The following CUX2 variants were observed in gnomAD, a reference collection of about 807,000 sequenced individuals.
CUX2 encodes the protein homeobox protein cut-like 2.
A neutral mutation model predicts 144.8 loss-of-function variants in CUX2; 40 were observed. That is an observed-to-expected ratio of 0.28 (90% confidence interval 0.21 to 0.36). CUX2 has a LOEUF of 0.36. CUX2 is among the 10% of genes least tolerant of loss of function. The probability of loss-of-function intolerance (pLI) is 1.00; values close to 1 mark genes in which losing one functional copy is unlikely to be tolerated. For missense variants in CUX2, 1,615 were observed against 1,994.0 expected (o/e 0.81, Z 3.62); for synonymous variants, 827 against 875.6 (o/e 0.94, Z 0.98).
rs1040555486 is a variant in CUX2, at chr12:111,042,283, A to G, written c.63+8043A>G. On this transcript the variant is annotated intron_variant, in intron 1 of 21. Coordinates refer to ENST00000261726, the MANE Select transcript of CUX2 (RefSeq NM_015267.4). ...TGTGGGTGTTGCGGATCCGGAGACC[A>G]CAGGGGTCACAGGGGCCGCCAGTCC... Among the ~76,000 whole-genome samples the G allele has an allele frequency of 7.9e-5, 12 of 152,306 alleles. No individual in the cohort carries two copies. The East Asian group carries it at 1.5e-3, about 20-fold the overall frequency.
rs11290695 is a variant in CUX2, at chr12:111,267,195, CAA to C, written c.301+3377_301+3378del. 2.2e-3 allele frequency among the ~76,000 whole-genome samples: 145 copies of C among 66,348 alleles called. 2 individuals are homozygous for C. The highest frequency in any genetic ancestry group is 5.3e-3 in the African/African-American group (104 of 19,620). The allele number at this position is 66,348 out of a possible 152,430, so 43.5% of individuals were successfully genotyped here. On this transcript the variant is annotated intron_variant, in intron 4 of 21. Transcript: ENST00000261726. Reference sequence around the variant, plus strand: ...CCTGGGTGACAGAGCAAGACCCTGTCAAAAAAAAAAAAAAAAAAAAAAGAAAG... The same window carrying C: ...CCTGGGTGACAGAGCAAGACCCTGTCAAAAAAAAAAAAAAAAAAAAGAAAG...
chr12:111,139,803 C>T (rs1317841067), intron 1 of CUX2, among the ~76,000 whole-genome samples: 2 of 152,166 alleles, frequency 1.3e-5, no homozygotes, highest in African/African-American at 2.4e-5. Flanking sequence ...CAAGAACTGC[C>T]TACTGTGTCA....
chr12:111,215,678 C>G (rs940059671), intron 2 of CUX2, among the ~76,000 whole-genome samples: 4 of 152,150 alleles, frequency 2.6e-5, no homozygotes, highest in Non-Finnish European at 1.5e-5. Context: ...TGGAAACTCC[C>G]CAGAATGAGG....
At chr12:111,066,614 T>TA (rs1871030732) in intron 1 of CUX2, among the ~76,000 whole-genome samples, 1 of 152,176 alleles carries the variant, frequency 6.6e-6, no homozygotes, top group Non-Finnish European at 1.5e-5. Flanking sequence ...GAGTTCACTT[T>TA]ATACAAGTGA....
chr12:111,078,635 A>G (rs138989221), intron 1 of CUX2, among the ~76,000 whole-genome samples: 2 of 152,150 alleles, frequency 1.3e-5, no homozygotes, highest in East Asian at 3.9e-4. Flanking sequence ...GTGCCACTAC[A>G]CTCCAGCCTG....
rs1870591399 is a variant in CUX2, at chr12:111,057,677, ACAGC to A, written c.63+23439_63+23442del. Reference sequence around the variant, plus strand: ...GCCAGAAAGAGTGACTCCCACCTCAACAGCCTGGAAGCACTCCAACTACCGTACT... The same window carrying A: ...GCCAGAAAGAGTGACTCCCACCTCAACTGGAAGCACTCCAACTACCGTACT... On this transcript the variant is annotated intron_variant, in intron 1 of 21. Transcript: ENST00000261726. This position sits in a 1 kb window ranked among gnomAD's most constrained non-coding sequence, Gnocchi z 5.1. 6.6e-6 allele frequency among the ~76,000 whole-genome samples: 1 copy of A among 152,192 alleles called. No individual in the cohort carries two copies. Among genetic ancestry groups the A allele is most frequent in the Non-Finnish European group, 1.5e-5 (1 of 68,038 alleles).
Position 111,171,618 on chromosome 12 carries a change from C to T in CUX2, c.64-42582C>T, listed in dbSNP as rs1878527713. Among the ~76,000 whole-genome samples the T allele has an allele frequency of 1.3e-5, 2 of 152,140 alleles. No homozygotes were observed. Among genetic ancestry groups the T allele is most frequent in the African/African-American group, 4.8e-5 (2 of 41,434 alleles). On this transcript the variant is annotated intron_variant, in intron 1 of 21. Transcript: ENST00000261726. The surrounding 1 kb of genome is among the most constrained non-coding windows in gnomAD (Gnocchi z 5.0). ...TCTGGGGCTATGGGACGGAAAAGCC[C>T]AGAGTGCCCTCTCTGAGGAGTCATC...
intron 1 of CUX2, among the ~76,000 whole-genome samples, chr12:111,207,932 G>T (rs2136217577): frequency 6.6e-6 from 1 of 152,246 alleles, no homozygotes; most frequent in East Asian, 1.9e-4. Flanking sequence ...GACAGAATGA[G>T]TTCATCTGAG....
chr12:111,264,954 G>A (rs543403022), intron 4 of CUX2, among the ~76,000 whole-genome samples: 6 of 152,172 alleles, frequency 3.9e-5, no homozygotes, highest in Admixed American at 2.0e-4. Context: ...CTGCTTAATC[G>A]GTATGAGTTT....
intron 1 of CUX2, among the ~76,000 whole-genome samples, chr12:111,056,887 AG>A (rs1870552960): frequency 6.6e-6 from 1 of 152,220 alleles, no homozygotes; most frequent in South Asian, 2.1e-4. Flanking sequence ...GTGGCTGAGC[AG>A]GAGAGTAGAT....
intron 1 of CUX2, among the ~76,000 whole-genome samples, chr12:111,081,213 G>C (rs565685349): frequency 3.9e-5 from 6 of 152,224 alleles, no homozygotes; most frequent in African/African-American, 1.2e-4. Context: ...GTCCAGCTGA[G>C]GTTTACAAAC....
chr12:111,080,773 G>C (rs1269469537), intron 1 of CUX2, among the ~76,000 whole-genome samples: 1 of 152,212 alleles, frequency 6.6e-6, no homozygotes, highest in Non-Finnish European at 1.5e-5. Flanking sequence ...CAGAGTAGGT[G>C]CTCAGTAAGT....
In CUX2 at chr12:111,338,398, T is replaced by C; in HGVS notation, c.3309T>C (p.Phe1103=). The part of the protein sequence containing the change: ...HKLSLKGREP[F]VRMQLWLNDP... ...TGAGCCTGAAGGGGCGGGAGCCTTTTGTCCGCATGCAGCTGTGGCTCAATG... is the reference window on the plus strand; with the variant it reads ...TGAGCCTGAAGGGGCGGGAGCCTTTCGTCCGCATGCAGCTGTGGCTCAATG... The change falls in exon 20 of 22, where the codon TTT becomes TTC. Residue 1103 remains phenylalanine, a synonymous_variant. Transcript: ENST00000261726. 6.2e-7 allele frequency: 1 copy of C among 1,614,184 alleles called. No homozygotes were observed. Among genetic ancestry groups the C allele is most frequent in the Non-Finnish European group, 8.5e-7 (1 of 1,180,022 alleles).
intron 1 of CUX2, among the ~76,000 whole-genome samples, chr12:111,189,701 T>C (rs1037383580): frequency 6.6e-6 from 1 of 152,174 alleles, no homozygotes; most frequent in Admixed American, 6.5e-5. Flanking sequence ...ATGAATCACC[T>C]AGAGAACTTG....
chr12:111,066,258 A>G (rs745751287), intron 1 of CUX2, among the ~76,000 whole-genome samples: 5 of 152,056 alleles, frequency 3.3e-5, no homozygotes, highest in Admixed American at 6.5e-5. Flanking sequence ...TCCAGAACTG[A>G]CCTATATATT....
At chr12:111,064,885 C>A (rs540831351) in intron 1 of CUX2, among the ~76,000 whole-genome samples, 2 of 152,160 alleles carry the variant, frequency 1.3e-5, no homozygotes, top group Non-Finnish European at 2.9e-5. Flanking sequence ...GCCCAATGCC[C>A]GGCATACAGT....
intron 1 of CUX2, among the ~76,000 whole-genome samples, chr12:111,124,440 G>A (rs969385615): frequency 8.5e-5 from 13 of 152,186 alleles, no homozygotes; most frequent in African/African-American, 3.1e-4. Flanking sequence ...CTTGGCCTCC[G>A]TGCAGCCTGC....
chr12:111,223,936 G>A (rs1020876174), intron 3 of CUX2, among the ~76,000 whole-genome samples: 1 of 152,168 alleles, frequency 6.6e-6, no homozygotes, highest in Non-Finnish European at 1.5e-5. Flanking sequence ...CAACCCTGGA[G>A]CCCCTGGCAT....
chr12:111,282,172 A>G (rs915508544), intron 4 of CUX2, among the ~76,000 whole-genome samples: 10 of 151,888 alleles, frequency 6.6e-5, no homozygotes, highest in Admixed American at 4.6e-4. Flanking sequence ...ATACAAAAAA[A>G]TTAGCTGGGC....
Sources: allele counts gnomAD v4.1 joint callset (sites outside exome capture counted in the v4.1 genomes callset), GRCh38; gene constraint gnomAD v4.1.1; non-coding constraint Gnocchi (gnomAD v3.1); transcripts MANE v1.5; gene names NCBI Gene and HGNC (gene_info 2026-07-23, HGNC 2026-07-21).